Variants in TNFRSF11A observed in about 807,000 individuals in gnomAD.
The protein encoded by TNFRSF11A is tumor necrosis factor receptor superfamily member 11A.
A neutral mutation model predicts 55.7 loss-of-function variants in TNFRSF11A; 32 were observed. The ratio of observed to expected loss-of-function variants is 0.57; its 90% CI spans 0.43 to 0.77. The LOEUF (loss-of-function observed/expected upper bound fraction) is 0.77, where lower values mean the gene tolerates loss of function less well. Among genes scored for constraint, TNFRSF11A ranks in the 30% least tolerant of loss-of-function variants. The pLI, the probability that TNFRSF11A is intolerant of heterozygous loss-of-function variation, is 0.00. For synonymous variants in TNFRSF11A, 311 were observed against 331.0 expected (o/e 0.94, Z 0.65); for missense variants, 753 against 809.8 (o/e 0.93, Z 0.85).
In TNFRSF11A at chr18:62,369,212, C is replaced by T. The variant is rs267605223; in HGVS notation, c.1295C>T (p.Pro432Leu). 1.3e-5 allele frequency: 21 copies of T among 1,613,788 alleles called. No homozygotes were observed. Among genetic ancestry groups the T allele is most frequent in the African/African-American group, 8.0e-5 (6 of 74,954 alleles). ...AAAGAGGTGGACAGTGGCCATTGCC[C>T]GCACTGGGCAGCCAGCCCCAGCCCC... ...LQKEVDSGHC[P>L]HWAASPSPNW... The change falls in exon 9 of 10, where the codon CCG becomes CTG. Residue 432 changes from proline (P) to leucine (L), a missense_variant. This residue lies in a region of TNFRSF11A where 567 missense variants were observed against 596.7 expected (regional missense o/e 0.95). Coordinates refer to ENST00000586569, the MANE Select transcript of TNFRSF11A (RefSeq NM_003839.4).
intron 1 of TNFRSF11A, among the ~76,000 whole-genome samples, chr18:62,346,152 GTGGC>G (rs1227176077): frequency 6.6e-6 from 1 of 152,208 alleles, no homozygotes; most frequent in Non-Finnish European, 1.5e-5. Context: ...TACTGAGTCT[GTGGC>G]TGCCCCCTTA....
In TNFRSF11A at chr18:62,389,567, C is replaced by T. The variant is rs1398817645; in HGVS notation, c.*4533C>T. ...CACACCCACAAGACTTGCTGCTCCT[C>T]CTGACCCACCCGCATGGCTCTGCAC... On this transcript the variant is annotated 3_prime_UTR_variant, in exon 10 of 10. Transcript: ENST00000586569. 6.6e-6 allele frequency: 1 copy of T among 152,312 alleles called. No individual in the cohort carries two copies. Among genetic ancestry groups the T allele is most frequent in the Admixed American group, 6.5e-5 (1 of 15,288 alleles). The allele number at this position is 152,312 out of a possible 1,614,324, so 9.4% of individuals were successfully genotyped here. A position where few individuals can be genotyped will look rare whatever the true frequency, so the allele number is the denominator to read the frequency against.
chr18:62,335,022 G>T (rs1226741477), intron 1 of TNFRSF11A, among the ~76,000 whole-genome samples: 1 of 152,160 alleles, frequency 6.6e-6, no homozygotes, highest in Non-Finnish European at 1.5e-5. Flanking sequence ...ACTTCTGTGG[G>T]TCACAAGGTT....
chr18:62,347,161 C>T (rs188324292), intron 1 of TNFRSF11A, among the ~76,000 whole-genome samples: 1 of 152,254 alleles, frequency 6.6e-6, no homozygotes, highest in African/African-American at 2.4e-5. Context: ...CTCTAAGACC[C>T]TTGAGGGGAA....
chr18:62,329,615 G>A (rs942956865), intron 1 of TNFRSF11A, among the ~76,000 whole-genome samples: 2 of 152,226 alleles, frequency 1.3e-5, no homozygotes, highest in African/African-American at 4.8e-5. Flanking sequence ...CCAAGAAGGA[G>A]CCGTGGGTTT....
intron 1 of TNFRSF11A, among the ~76,000 whole-genome samples, chr18:62,330,510 C>T (rs889197266): frequency 6.6e-6 from 1 of 152,132 alleles, no homozygotes; most frequent in South Asian, 2.1e-4. Flanking sequence ...AAGGCAAAAG[C>T]CAGCACTCAA....
intron 7 of TNFRSF11A, among the ~76,000 whole-genome samples, chr18:62,364,473 C>T (rs145009546): frequency 0.01 from 1,539 of 152,156 alleles, 14 homozygotes; most frequent in Non-Finnish European, 0.017. Flanking sequence ...TAGATGCAGG[C>T]GCACCAGTTA....
rs1911884397 is a variant in TNFRSF11A at position 62,388,827 on chromosome 18, C to T, written c.*3793C>T. On this transcript the variant is annotated 3_prime_UTR_variant, in exon 10 of 10. Coordinates refer to ENST00000586569, the MANE Select transcript of TNFRSF11A (RefSeq NM_003839.4). The stretch of plus-strand genomic sequence containing the variant: ...TAAAATCAAGAAAACTGGTGAGATA[C>T]CTTGGGGTAGAGAAACCTGCATATA... 1 of 152,202 alleles carries T rather than the reference C, an allele frequency of 6.6e-6. No individual in the cohort carries two copies. Among genetic ancestry groups the T allele is most frequent in the South Asian group, 2.1e-4 (1 of 4,838 alleles). 9.4% of individuals were successfully genotyped at this position (152,202 alleles called of 1,614,324 possible). A position where few individuals can be genotyped will look rare whatever the true frequency, so the allele number is the denominator to read the frequency against.
intron 1 of TNFRSF11A, among the ~76,000 whole-genome samples, chr18:62,338,102 A>G (rs191486148): frequency 1.3e-5 from 2 of 152,228 alleles, no homozygotes; most frequent in African/African-American, 4.8e-5. Flanking sequence ...AACTGGAACC[A>G]CAAGGAGATA....
rs887276243 is a variant in TNFRSF11A at position 62,381,443 on chromosome 18, A to G, written c.1568-3308A>G. 3.3e-5 allele frequency among the ~76,000 whole-genome samples: 5 copies of G among 152,356 alleles called. No homozygotes were observed. The East Asian group carries it at 9.6e-4, about 29-fold the overall frequency. On this transcript the variant is annotated intron_variant, in intron 9 of 9. Transcript: ENST00000586569. Reference sequence around the variant, plus strand: ...AAATGGCAGAGAAATAATATATACCATGACATAAGCAGATAAATCAGTGAG... The same window carrying G: ...AAATGGCAGAGAAATAATATATACCGTGACATAAGCAGATAAATCAGTGAG...
Position 62,325,466 on chromosome 18 carries a change from C to A in TNFRSF11A, c.75+39C>A. 6 of 1,218,418 alleles carry A rather than the reference C, an allele frequency of 4.9e-6. No homozygotes were observed. The highest frequency in any genetic ancestry group is 6.2e-6 in the Non-Finnish European group (6 of 967,832). The allele number at this position is 1,218,418 out of a possible 1,614,324, so 75.5% of individuals were successfully genotyped here. On this transcript the variant is annotated intron_variant, in intron 1 of 9. Coordinates refer to ENST00000586569, the MANE Select transcript of TNFRSF11A (RefSeq NM_003839.4). The surrounding 1 kb of genome is among the most constrained non-coding windows in gnomAD (Gnocchi z 4.7). ...GCGCCTGCCGGGCCGCGCGGCCCGA[C>A]GCCTCCTCGGGAGCCCCGGGAAGGG...
rs1227873453 is a variant in TNFRSF11A, at chr18:62,389,328, G to A, written c.*4294G>A. 1.3e-5 allele frequency: 2 copies of A among 152,338 alleles called. No individual in the cohort carries two copies. Among genetic ancestry groups the A allele is most frequent in the Non-Finnish European group, 2.9e-5 (2 of 68,184 alleles). The allele number at this position is 152,338 out of a possible 1,614,324, so 9.4% of individuals were successfully genotyped here. On this transcript the variant is annotated 3_prime_UTR_variant, in exon 10 of 10. Coordinates refer to ENST00000586569, the MANE Select transcript of TNFRSF11A (RefSeq NM_003839.4). ...CTAAAGCTTTGCCAGAGAAGAGGAGGGACCTGACACTGGGCAGTGGCGGTG... is the reference window on the plus strand; with the variant it reads ...CTAAAGCTTTGCCAGAGAAGAGGAGAGACCTGACACTGGGCAGTGGCGGTG...
Position 62,325,357 on chromosome 18 carries a change from C to T in TNFRSF11A, c.5C>T (p.Ala2Val). 2 of 1,024,988 alleles carry T rather than the reference C, an allele frequency of 2.0e-6. No homozygotes were observed. Among genetic ancestry groups the T allele is most frequent in the Non-Finnish European group, 2.3e-6 (2 of 859,678 alleles). 63.5% of individuals were successfully genotyped at this position (1,024,988 alleles called of 1,614,324 possible). A position where few individuals can be genotyped will look rare whatever the true frequency, so the allele number is the denominator to read the frequency against. ...CCCGCCAGCCTGTCCCGCGCCATGG[C>T]CCCGCGCGCCCGGCGGCGCCGCCCG... M[A>V]PRARRRRPLF... is the part of the protein sequence containing the mutation. Residue 2 changes from alanine (A) to valine (V), a missense_variant, in exon 1 of 10, where the codon GCC becomes GTC. This residue lies in a region of TNFRSF11A where 156 missense variants were observed against 155.1 expected (regional missense o/e 1.01). Coordinates refer to ENST00000586569, the MANE Select transcript of TNFRSF11A (RefSeq NM_003839.4). The surrounding 1 kb of genome is among the most constrained non-coding windows in gnomAD (Gnocchi z 4.7).
intron 1 of TNFRSF11A, chr18:62,330,957 A>T (rs1470418192): frequency 6.6e-6 from 1 of 152,278 alleles, no homozygotes; most frequent in Non-Finnish European, 1.5e-5. Context: ...CTGCAATCCC[A>T]GCACTTTGGG....
intron 9 of TNFRSF11A, among the ~76,000 whole-genome samples, chr18:62,382,856 A>T (rs1468962659): frequency 6.6e-6 from 1 of 152,116 alleles, no homozygotes; most frequent in Non-Finnish European, 1.5e-5. Flanking sequence ...CATTCACTTT[A>T]GTTTTCATAG....
At chr18:62,333,809 C>T (rs1012884603) in intron 1 of TNFRSF11A, among the ~76,000 whole-genome samples, 1 of 151,940 alleles carries the variant, frequency 6.6e-6, no homozygotes, top group African/African-American at 2.4e-5. Flanking sequence ...CGTGCCCAGT[C>T]TGCATTTGTG....
At chr18:62,337,765 C>T (rs1164743781) in intron 1 of TNFRSF11A, among the ~76,000 whole-genome samples, 1 of 152,150 alleles carries the variant, frequency 6.6e-6, no homozygotes, top group Middle Eastern at 3.2e-3. Flanking sequence ...TATAGTTGTT[C>T]TTCTCCCCTG....
intron 4 of TNFRSF11A, among the ~76,000 whole-genome samples, chr18:62,356,541 G>A (rs550686532): frequency 1.2e-3 from 183 of 152,340 alleles, no homozygotes; most frequent in Non-Finnish European, 2.2e-3. Context: ...GACAAAATAG[G>A]TTGAGGATAG....
chr18:62,366,724 G>A lies in TNFRSF11A; in HGVS notation c.747G>A (p.Trp249Ter). The A allele has an allele frequency of 6.2e-7, 1 of 1,614,162 alleles. No homozygotes were observed. The highest frequency in any genetic ancestry group is 8.5e-7 in the Non-Finnish European group (1 of 1,180,046). Residue 249 changes from tryptophan (W) to a stop codon, truncating the protein, a stop_gained, in exon 8 of 10, where the codon TGG becomes TGA. Coordinates refer to ENST00000586569, the MANE Select transcript of TNFRSF11A (RefSeq NM_003839.4). LOFTEE classifies it high-confidence loss of function. The part of the protein sequence containing the change: ...GKALTANLWH[W>*]INEACGRLSG... ...GTTTTCTAGCTAATTTGTGGCACTG[G>A]ATCAATGAGGCTTGTGGCCGCCTAA...
Sources: allele counts gnomAD v4.1 joint callset (sites outside exome capture counted in the v4.1 genomes callset), GRCh38; gene constraint gnomAD v4.1.1; regional missense constraint gnomAD v4.1.1; non-coding constraint Gnocchi (gnomAD v3.1); transcripts MANE v1.5; gene names NCBI Gene and HGNC (gene_info 2026-07-23, HGNC 2026-07-21).